The following STXBP5L variants were observed in gnomAD, a reference collection of about 807,000 sequenced individuals.
STXBP5L encodes syntaxin-binding protein 5-like.
In STXBP5L, 65 loss-of-function variants were observed where a neutral mutation model predicts 144.5. The observed-to-expected ratio is 0.45, with a 90% CI of 0.37 to 0.55. The LOEUF (loss-of-function observed/expected upper bound fraction) is 0.55, where lower values mean the gene tolerates loss of function less well. STXBP5L is among the 20% of genes least tolerant of loss of function. The probability of loss-of-function intolerance (pLI) is 0.00; values close to 1 mark genes in which losing one functional copy is unlikely to be tolerated. For synonymous variants in STXBP5L, 505 were observed against 469.6 expected, an observed-to-expected ratio of 1.08 and a Z score of -0.97; for missense variants, 1,298 against 1,405.5, an observed-to-expected ratio of 0.92 and a Z score of 1.22.
chr3:121,406,700 C>T (rs1053671201), intron 22 of STXBP5L, among the ~76,000 whole-genome samples: 2 of 151,778 alleles, frequency 1.3e-5, no homozygotes, highest in East Asian at 1.9e-4. Flanking sequence ...CCGTGAATTC[C>T]AGATATTGAA....
At chr3:121,212,607 G>A (rs75809312) in intron 10 of STXBP5L, among the ~76,000 whole-genome samples, 2,941 of 147,960 alleles carry the variant, frequency 0.02, 103 homozygotes, top group African/African-American at 0.068. Flanking sequence ...TGCTGTTTTC[G>A]TTACTATAGC....
intron 14 of STXBP5L, among the ~76,000 whole-genome samples, chr3:121,247,812 A>AT (rs2049905589): frequency 6.6e-6 from 1 of 152,190 alleles, no homozygotes; most frequent in African/African-American, 2.4e-5. Context: ...ATAATGATTT[A>AT]TATTGCTTTG....
chr3:120,982,558 G>C (rs1056793996), intron 3 of STXBP5L, among the ~76,000 whole-genome samples: 1 of 152,216 alleles, frequency 6.6e-6, no homozygotes, highest in Non-Finnish European at 1.5e-5. Context: ...CCAGGCCACA[G>C]TGTAACTGAG....
chr3:121,163,067 C>CTGGATATATATCCTT (rs1445063186), intron 9 of STXBP5L, among the ~76,000 whole-genome samples: 4 of 152,206 alleles, frequency 2.6e-5, no homozygotes, highest in Non-Finnish European at 5.9e-5. Flanking sequence ...AATCCCATTA[C>CTGGATATATATCCTT]TGGATATATA....
intron 2 of STXBP5L, among the ~76,000 whole-genome samples, chr3:120,923,726 A>T (rs1437224742): frequency 6.6e-6 from 1 of 151,884 alleles, no homozygotes; most frequent in Non-Finnish European, 1.5e-5. Context: ...TACTTTCTTG[A>T]ATTTGTTCTA....
intron 14 of STXBP5L, among the ~76,000 whole-genome samples, chr3:121,249,960 T>C (rs184158515): frequency 3.3e-5 from 5 of 152,196 alleles, no homozygotes; most frequent in African/African-American, 1.2e-4. Flanking sequence ...ATATGGATTT[T>C]CTTTTGTAAT....
At chr3:121,282,059 G>T (rs909253477) in intron 19 of STXBP5L, among the ~76,000 whole-genome samples, 1 of 150,770 alleles carries the variant, frequency 6.6e-6, no homozygotes, top group Non-Finnish European at 1.5e-5. Context: ...AATTACTACC[G>T]CATTCTCATC....
At chr3:121,069,680 T>G (rs968807082) in intron 5 of STXBP5L, among the ~76,000 whole-genome samples, 3 of 152,124 alleles carry the variant, frequency 2.0e-5, no homozygotes, top group Non-Finnish European at 4.4e-5. Flanking sequence ...CTCGGTGCCT[T>G]AGGTCTCAAA....
At chr3:121,128,645 TAAG>T (rs902095568) in intron 7 of STXBP5L, among the ~76,000 whole-genome samples, 1 of 152,054 alleles carries the variant, frequency 6.6e-6, no homozygotes, top group African/African-American at 2.4e-5. Context: ...ATTACCATAA[TAAG>T]CAGCAAGGCT....
At chr3:120,919,654 T>C (rs1438977864) in intron 2 of STXBP5L, among the ~76,000 whole-genome samples, 1 of 151,928 alleles carries the variant, frequency 6.6e-6, no homozygotes, top group East Asian at 1.9e-4. Flanking sequence ...AGCTCCCCAC[T>C]AGCTATTTGG....
intron 3 of STXBP5L, among the ~76,000 whole-genome samples, chr3:120,981,518 T>G (rs1023166315): frequency 1.3e-5 from 2 of 152,164 alleles, no homozygotes; most frequent in Non-Finnish European, 2.9e-5. Context: ...TTAATGAATT[T>G]TTAGTTCTAG....
chr3:121,183,866 A>C (rs574688281), intron 9 of STXBP5L, among the ~76,000 whole-genome samples: 3 of 152,236 alleles, frequency 2.0e-5, no homozygotes, highest in Non-Finnish European at 2.9e-5. Context: ...CACAGGAAGG[A>C]AGAGACAGCT....
chr3:121,028,391 G>GGCAAGTTGA (rs1946108565), intron 3 of STXBP5L, among the ~76,000 whole-genome samples: 1 of 152,020 alleles, frequency 6.6e-6, no homozygotes, highest in African/African-American at 2.4e-5. Context: ...ATCAATGGCT[G>GGCAAGTTGA]TAAGTTACTA....
intron 20 of STXBP5L, among the ~76,000 whole-genome samples, chr3:121,346,980 G>T (rs551202441): frequency 5.9e-5 from 9 of 152,124 alleles, no homozygotes; most frequent in Admixed American, 3.3e-4. Flanking sequence ...GTCAATTTTG[G>T]CTTCTGTTGC....
intron 22 of STXBP5L, among the ~76,000 whole-genome samples, chr3:121,383,556 T>C (rs1012358967): frequency 2.6e-5 from 4 of 152,102 alleles, no homozygotes; most frequent in Non-Finnish European, 4.4e-5. Flanking sequence ...ACTCTATTAA[T>C]TTGTTGAATA....
chr3:121,137,982 G>T (rs564166172), intron 7 of STXBP5L, among the ~76,000 whole-genome samples: 52 of 152,256 alleles, frequency 3.4e-4, no homozygotes, highest in Admixed American at 7.2e-4. Context: ...ATAGGAGGAA[G>T]TTAAATTGTC....
At chr3:121,343,182 T>G (rs2044795711) in intron 20 of STXBP5L, among the ~76,000 whole-genome samples, 1 of 152,104 alleles carries the variant, frequency 6.6e-6, no homozygotes, top group Non-Finnish European at 1.5e-5. Flanking sequence ...TCACCCACTT[T>G]TTGATGGGGT....
chr3:120,916,527 C>T (rs537216213), intron 2 of STXBP5L, among the ~76,000 whole-genome samples: 109 of 152,274 alleles, frequency 7.2e-4, no homozygotes, highest in Middle Eastern at 3.4e-3. Context: ...TCTCAAACTC[C>T]TGACCTCAGG....
intron 20 of STXBP5L, among the ~76,000 whole-genome samples, chr3:121,377,615 C>T (rs779891701): frequency 4.6e-5 from 7 of 152,164 alleles, no homozygotes; most frequent in Non-Finnish European, 1.0e-4. Context: ...ATCAAAACCA[C>T]AATGAGATAC....
Sources: gnomAD v4.1 joint callset for allele counts (sites outside exome capture counted in the v4.1 genomes callset) on GRCh38, gnomAD v4.1.1 for gene constraint, MANE v1.5 for transcripts, NCBI Gene and HGNC (gene_info 2026-07-23, HGNC 2026-07-21) for gene names.